The following MAP7D2 variants were observed in gnomAD, a reference collection of about 807,000 sequenced individuals.
MAP7D2 encodes the protein MAP7 domain-containing protein 2.
In MAP7D2, 33 loss-of-function variants were observed where a neutral mutation model predicts 63.5. The observed-to-expected ratio is 0.52, with a 90% confidence interval of 0.39 to 0.70. The LOEUF is 0.70. Among genes scored for constraint, MAP7D2 ranks in the 30% least tolerant of loss-of-function variants. The pLI is 0.00. For missense variants in MAP7D2, 626 were observed against 604.0 expected (o/e 1.04, Z -0.38); for synonymous variants, 224 against 223.7 (o/e 1.00, Z -0.01).
chrX:20,090,377 A>G, intron 1 of MAP7D2, among the ~76,000 whole-genome samples: 1 of 109,185 alleles, frequency 9.2e-6, no homozygotes, highest in Admixed American at 9.9e-5. Flanking sequence ...AAAAAAAAAA[A>G]AAAAAAAAAT....
At chrX:20,094,559 T>TATAC (rs2066197567) in intron 1 of MAP7D2, among the ~76,000 whole-genome samples, 1 of 14,735 alleles carries the variant, frequency 6.8e-5, no homozygotes, top group Non-Finnish European at 1.1e-4. Flanking sequence ...TATATATATA[T>TATAC]ATATATATAC....
intron 6 of MAP7D2, among the ~76,000 whole-genome samples, chrX:20,045,284 C>T (rs2036869031): frequency 9.1e-6 from 1 of 110,470 alleles, no homozygotes; most frequent in African/African-American, 3.3e-5. Flanking sequence ...TAAATCATAG[C>T]CATGGGCCGG....
At chrX:20,084,976 C>T (rs2065875063) in intron 1 of MAP7D2, among the ~76,000 whole-genome samples, 1 of 111,500 alleles carries the variant, frequency 9.0e-6, no homozygotes. Flanking sequence ...ACAGTGAAAC[C>T]ATGGTAGGAA....
At chrX:20,102,779 G>C (rs1281058407) in intron 1 of MAP7D2, among the ~76,000 whole-genome samples, 1 of 108,901 alleles carries the variant, frequency 9.2e-6, no homozygotes, top group East Asian at 2.9e-4. Flanking sequence ...GGGCGGGGTG[G>C]GGGGGAGTCG....
chrX:20,025,594 C>T, intron 9 of MAP7D2, 87 bp downstream of exon 9: 1 of 1,107,006 alleles, frequency 9.0e-7, no homozygotes. Context: ...AAATCCCTTT[C>T]CCTCCCCAAA....
chrX:20,012,834 C>A (rs938496701), intron 14 of MAP7D2, among the ~76,000 whole-genome samples: 2 of 112,129 alleles, frequency 1.8e-5, no homozygotes, highest in Non-Finnish European at 1.9e-5. Context: ...AGCCAGAGTG[C>A]CTCCTATGCT....
At chrX:20,057,737 T>C (rs758151050) in intron 3 of MAP7D2, among the ~76,000 whole-genome samples, 1 of 111,970 alleles carries the variant, frequency 8.9e-6, no homozygotes, top group Non-Finnish European at 1.9e-5. Context: ...CTCCAGGAAC[T>C]GGGCTAATCA....
At chrX:20,009,529 C>T (rs900438383) in intron 16 of MAP7D2, among the ~76,000 whole-genome samples, 17 of 108,249 alleles carry the variant, frequency 1.6e-4, no homozygotes, top group African/African-American at 2.7e-4. Context: ...CCAGGCATGG[C>T]GGCGTGCACC....
intron 1 of MAP7D2, among the ~76,000 whole-genome samples, chrX:20,109,399 A>G (rs1031237736): frequency 9.2e-6 from 1 of 108,150 alleles, no homozygotes; most frequent in African/African-American, 3.4e-5. Flanking sequence ...GCACGCCTGT[A>G]GTCCCAGCTA....
intron 8 of MAP7D2, among the ~76,000 whole-genome samples, chrX:20,032,661 C>A (rs1341867813): frequency 8.9e-6 from 1 of 112,163 alleles, no homozygotes; most frequent in Non-Finnish European, 1.9e-5. Context: ...CTATGATCTA[C>A]CTCTGGAAGT....
intron 15 of MAP7D2, 28 bp from the exon 16 acceptor site, chrX:20,011,080 G>T: frequency 8.4e-7 from 1 of 1,188,659 alleles, no homozygotes; most frequent in East Asian, 3.0e-5. Flanking sequence ...GAGGGAGAGA[G>T]GCAGAAAGAG....
At chrX:20,074,396 G>C (rs2065591991) in intron 1 of MAP7D2, among the ~76,000 whole-genome samples, 2 of 111,815 alleles carry the variant, frequency 1.8e-5, no homozygotes, top group Admixed American at 1.9e-4. Flanking sequence ...AAATCCAATT[G>C]AACTTTTCAA....
chrX:20,052,281 C>T (rs2064969809), intron 5 of MAP7D2: 1 of 151,712 alleles, frequency 6.6e-6, no homozygotes, highest in Admixed American at 7.3e-5. Context: ...AATGCAGACC[C>T]TGTTAAATCT....
intron 10 of MAP7D2, 35 bp from the exon 11 acceptor site, chrX:20,016,360 T>G: frequency 8.6e-7 from 1 of 1,167,379 alleles, no homozygotes; most frequent in Non-Finnish European, 1.2e-6. Flanking sequence ...GAAGATGACA[T>G]GCTCGAAAAG....
intron 1 of MAP7D2, among the ~76,000 whole-genome samples, chrX:20,096,006 C>T (rs951666508): frequency 8.4e-5 from 8 of 95,621 alleles, no homozygotes; most frequent in African/African-American, 2.0e-4. Flanking sequence ...CACTTGATAC[C>T]GGGAGACGGA....
At chrX:20,100,232 A>G (rs2066392374) in intron 1 of MAP7D2, among the ~76,000 whole-genome samples, 1 of 112,317 alleles carries the variant, frequency 8.9e-6, no homozygotes, top group African/African-American at 3.2e-5. Context: ...TAAAGCTATC[A>G]CTGGAGCAAA....
chrX:20,034,288 AC>A (rs1453951952), intron 8 of MAP7D2, among the ~76,000 whole-genome samples: 3 of 103,225 alleles, frequency 2.9e-5, no homozygotes, highest in African/African-American at 3.5e-5. Flanking sequence ...AGTGGCTCGC[AC>A]CTGTAACCTG....
At chrX:20,107,738 A>G (rs1369500151) in intron 1 of MAP7D2, among the ~76,000 whole-genome samples, 1 of 111,948 alleles carries the variant, frequency 8.9e-6, no homozygotes. Context: ...TGTATTAGCC[A>G]GCACTGACTT....
At chrX:20,089,875 A>T (rs1455113926) in intron 1 of MAP7D2, among the ~76,000 whole-genome samples, 1 of 109,173 alleles carries the variant, frequency 9.2e-6, no homozygotes, top group Non-Finnish European at 1.9e-5. Context: ...TTCCTACTAT[A>T]GTTTTCTTGA....
Sources: allele counts gnomAD v4.1 joint callset (sites outside exome capture counted in the v4.1 genomes callset), GRCh38; gene constraint gnomAD v4.1.1; transcripts MANE v1.5; gene names NCBI Gene and HGNC (gene_info 2026-07-23, HGNC 2026-07-21).